Variants in DMXL2 observed in about 807,000 individuals in gnomAD.
The protein encoded by DMXL2 is Dmx like 2, also known as dmX-like protein 2.
DMXL2 carries 103 observed loss-of-function variants against 331.1 expected under a neutral mutation model. The ratio of observed to expected loss-of-function variants is 0.31; its 90% CI spans 0.27 to 0.37. The LOEUF is 0.37. Ranked by LOEUF, DMXL2 falls within the 10% of genes least tolerant of loss-of-function variation. The probability of loss-of-function intolerance (pLI) is 1.00; values close to 1 mark genes in which losing one functional copy is unlikely to be tolerated. For synonymous variants in DMXL2, 1,281 were observed against 1,252.1 expected, an observed-to-expected ratio of 1.02 and a Z score of -0.49; for missense variants, 3,171 against 3,642.9, an observed-to-expected ratio of 0.87 and a Z score of 3.33.
At chr15:51,542,171 G>T (rs990646614) in intron 9 of DMXL2, among the ~76,000 whole-genome samples, 162 bp downstream of exon 9, 1 of 151,952 alleles carries the variant, frequency 6.6e-6, no homozygotes, top group Non-Finnish European at 1.5e-5. Context: ...CAATCACATA[G>T]GCCCAATTCA....
At chr15:51,583,376 G>C (rs1377777868) in intron 1 of DMXL2, among the ~76,000 whole-genome samples, 1 of 83,220 alleles carries the variant, frequency 1.2e-5, no homozygotes, top group African/African-American at 4.5e-5. Flanking sequence ...AATATGCGGT[G>C]TTTGGTTTTT....
intron 1 of DMXL2, among the ~76,000 whole-genome samples, chr15:51,602,890 G>A (rs2053327233): frequency 6.6e-6 from 1 of 152,152 alleles, no homozygotes; most frequent in Non-Finnish European, 1.5e-5. Flanking sequence ...ATTTTTAAAT[G>A]TCCAGGCATA....
intron 15 of DMXL2, among the ~76,000 whole-genome samples, chr15:51,508,782 T>G (rs2046571089): frequency 6.6e-6 from 1 of 152,222 alleles, no homozygotes; most frequent in Non-Finnish European, 1.5e-5. Flanking sequence ...AGAACTGTTT[T>G]TCAAAGTAAT....
At chr15:51,547,982 G>C (rs938911198) in intron 6 of DMXL2, among the ~76,000 whole-genome samples, 1 of 151,962 alleles carries the variant, frequency 6.6e-6, no homozygotes, top group African/African-American at 2.4e-5. Context: ...AACATTCTTA[G>C]CTCTTGGGCC....
Position 51,456,378 on chromosome 15 carries a change from G to C in DMXL2, c.8338-9C>G, listed in dbSNP as rs780598054. 6.5e-7 allele frequency: 1 copy of C among 1,543,662 alleles called. No homozygotes were observed. Among genetic ancestry groups the C allele is most frequent in the Non-Finnish European group, 8.8e-7 (1 of 1,139,170 alleles). On this transcript the variant is annotated splice_polypyrimidine_tract_variant and intron_variant, in intron 37 of 43. Coordinates refer to ENST00000560891, the MANE Select transcript of DMXL2 (RefSeq NM_001378457.1). The stretch of plus-strand genomic sequence containing the variant: ...AGATTCCTTTTCATAAGCTTTAAAA[G>C]AAAATTTTAAAAATTTTATTTTGTG...
rs777119465 is a variant in DMXL2 at position 51,545,803 on chromosome 15, A to G, written c.747-37T>C. 25 of 1,540,172 alleles carry G rather than the reference A, an allele frequency of 1.6e-5. No individual in the cohort carries two copies. In the South Asian group the frequency reaches 2.5e-4, roughly 15 times the overall value. ...GAGAAATAAATAAAGGTTAATGTGA[A>G]TATCAATCCCATTAACTAATTAATA... is the stretch of plus-strand genomic sequence containing the variant. On this transcript the variant is annotated intron_variant, in intron 7 of 43. Coordinates refer to ENST00000560891, the MANE Select transcript of DMXL2 (RefSeq NM_001378457.1).
At chr15:51,582,064 C>A (rs565945830) in intron 1 of DMXL2, among the ~76,000 whole-genome samples, 1 of 152,088 alleles carries the variant, frequency 6.6e-6, no homozygotes, top group Admixed American at 6.6e-5. Context: ...GAAGAAGGTA[C>A]ATTTTATTAA....
In DMXL2 at chr15:51,450,336, G is replaced by A. The variant is rs766459411; in HGVS notation, c.8760C>T (p.Cys2920=). 3 of 1,613,744 alleles carry A rather than the reference G, an allele frequency of 1.9e-6. No homozygotes were observed. The highest frequency in any genetic ancestry group is 2.2e-5 in the South Asian group (2 of 91,048). ...GCAGTACCGTGGCACCATGATCGTG[G>A]CACGTGAAACCTGAAGAAGAAAAAC... ...PGNSLIHGFT[C]HDHGATVLQY... is the part of the protein sequence containing the mutation. Residue 2920 remains cysteine (C), a synonymous_variant, in exon 43 of 44, where the codon TGC becomes TGT. Coordinates refer to ENST00000560891, the MANE Select transcript of DMXL2 (RefSeq NM_001378457.1).
chr15:51,595,509 T>C (rs946231992), intron 1 of DMXL2, among the ~76,000 whole-genome samples: 12 of 152,178 alleles, frequency 7.9e-5, no homozygotes, highest in African/African-American at 2.4e-4. Context: ...AGGTAATTTA[T>C]AGATTCAATG....
At chr15:51,614,629 G>C (rs978679894) in intron 1 of DMXL2, among the ~76,000 whole-genome samples, 1 of 152,088 alleles carries the variant, frequency 6.6e-6, no homozygotes, top group African/African-American at 2.4e-5. Flanking sequence ...TAAAAAAATA[G>C]CCTTATGAAA....
intron 9 of DMXL2, 100 bp from the exon 10 acceptor site, chr15:51,538,552 C>T (rs576319314): frequency 1.1e-5 from 10 of 892,144 alleles, no homozygotes; most frequent in Middle Eastern, 3.5e-4. Flanking sequence ...AGGTGCTAAA[C>T]AAGTCAACAT....
intron 15 of DMXL2, among the ~76,000 whole-genome samples, chr15:51,508,808 G>A (rs1052045699): frequency 6.6e-6 from 1 of 152,102 alleles, no homozygotes; most frequent in African/African-American, 2.4e-5. Context: ...AGCCCTAGTT[G>A]ATAAAGAAAT....
chr15:51,553,382 T>C (rs1000875444), intron 6 of DMXL2, among the ~76,000 whole-genome samples: 2 of 152,222 alleles, frequency 1.3e-5, no homozygotes, highest in African/African-American at 4.8e-5. Context: ...TAAAGTCTAT[T>C]ATGATATGAA....
At chr15:51,555,253 C>T (rs1192931156) in intron 6 of DMXL2, among the ~76,000 whole-genome samples, 2 of 152,066 alleles carry the variant, frequency 1.3e-5, no homozygotes, top group African/African-American at 4.8e-5. Flanking sequence ...AAATTTAATA[C>T]AATAATACAA....
chr15:51,453,097 G>A (rs1306927305), intron 41 of DMXL2, among the ~76,000 whole-genome samples: 1 of 152,094 alleles, frequency 6.6e-6, no homozygotes, highest in African/African-American at 2.4e-5. Flanking sequence ...AGGGGTGGGA[G>A]GAGGGTGAAG....
intron 26 of DMXL2, among the ~76,000 whole-genome samples, chr15:51,477,949 A>T (rs113202370): frequency 3.3e-5 from 5 of 152,108 alleles, no homozygotes; most frequent in African/African-American, 4.8e-5. Flanking sequence ...ATGCAAAAAG[A>T]AATTGTTTCT....
intron 15 of DMXL2, among the ~76,000 whole-genome samples, chr15:51,511,037 T>C (rs1000769982): frequency 5.9e-5 from 9 of 152,092 alleles, no homozygotes; most frequent in African/African-American, 1.9e-4. Flanking sequence ...CATACAAAAA[T>C]TAACTCAAGA....
At chr15:51,546,448 C>A (rs1298957544) in intron 7 of DMXL2, among the ~76,000 whole-genome samples, 1 of 152,090 alleles carries the variant, frequency 6.6e-6, no homozygotes, top group Non-Finnish European at 1.5e-5. Context: ...TTATCATTTA[C>A]TGAGCATCTC....
At chr15:51,491,548 A>G (rs751214158) in intron 20 of DMXL2, 30 bp downstream of exon 20, 3 of 1,562,702 alleles carry the variant, frequency 1.9e-6, no homozygotes, top group Non-Finnish European at 1.7e-6. Flanking sequence ...TTTTTTTAAT[A>G]TAACTCAAAA....
Sources: allele counts gnomAD v4.1 joint callset (sites outside exome capture counted in the v4.1 genomes callset), GRCh38; gene constraint gnomAD v4.1.1; transcripts MANE v1.5; gene names NCBI Gene and HGNC (gene_info 2026-07-23, HGNC 2026-07-21).